The following PNLIPRP1 variants were observed in gnomAD, a reference collection of about 807,000 sequenced individuals.
The protein encoded by PNLIPRP1 is pancreatic lipase related protein 1.
PNLIPRP1 carries 57 observed loss-of-function variants against 54.6 expected under a neutral mutation model. The ratio of observed to expected loss-of-function variants is 1.04; its 90% CI spans 0.84 to 1.30. PNLIPRP1 has a LOEUF of 1.30. Among genes scored for constraint, PNLIPRP1 ranks in the 50% most tolerant of loss-of-function variants. PNLIPRP1 has a pLI of 0.00. For synonymous variants in PNLIPRP1, 232 were observed against 208.8 expected (o/e 1.11, Z -0.96); for missense variants, 567 against 568.5 (o/e 1.00, Z 0.03).
intron 11 of PNLIPRP1, among the ~76,000 whole-genome samples, chr10:116,604,863 AT>A (rs1847911468): frequency 6.6e-6 from 1 of 151,478 alleles, no homozygotes; most frequent in South Asian, 2.1e-4. Flanking sequence ...TGATTTTTGT[AT>A]TTTTAGTAGA....
rs1554863341 is a variant in PNLIPRP1 at position 116,592,418 on chromosome 10, T to C, written c.207T>C (p.Ile69=). Residue 69 remains isoleucine (I), a splice_region_variant and synonymous_variant, in exon 4 of 13, where the codon ATT becomes ATC. Coordinates refer to ENST00000358834, the MANE Select transcript of PNLIPRP1 (RefSeq NM_006229.4). ...YTNENPNNFQ[I]LLLSDPSTIE... The stretch of plus-strand genomic sequence containing the variant: ...AAGCACTTCTGCGTCTGTCACAGAT[T>C]CTCCTCCTCTCTGATCCATCAACAA... 6.2e-7 allele frequency: 1 copy of C among 1,600,322 alleles called. No homozygotes were observed. The highest frequency in any genetic ancestry group is 1.1e-5 in the South Asian group (1 of 89,776).
At chr10:116,603,537 A>G (rs1393974702) in intron 10 of PNLIPRP1, among the ~76,000 whole-genome samples, 2 of 152,152 alleles carry the variant, frequency 1.3e-5, no homozygotes, top group Non-Finnish European at 1.5e-5. Context: ...CTAGAGGGGG[A>G]TACTGCTAAA....
chr10:116,596,869 T>C (rs1370291431), intron 6 of PNLIPRP1, among the ~76,000 whole-genome samples: 1 of 152,144 alleles, frequency 6.6e-6, no homozygotes, highest in South Asian at 2.1e-4. Flanking sequence ...GTGATAATAA[T>C]AATAATAATG....
chr10:116,598,183 G>A lies in PNLIPRP1; in HGVS notation c.814+17G>A. 1 of 1,609,998 alleles carries A rather than the reference G, an allele frequency of 6.2e-7. No individual in the cohort carries two copies. The highest frequency in any genetic ancestry group is 8.5e-7 in the Non-Finnish European group (1 of 1,178,394). On this transcript the variant is annotated intron_variant, in intron 8 of 12. Transcript: ENST00000358834. Reference sequence around the variant, plus strand: ...TCTGGGCGGGTAAAGTCATGGTGGGGTGAGGGGAGCAGGGCGGGTACTTTC... The same window carrying A: ...TCTGGGCGGGTAAAGTCATGGTGGGATGAGGGGAGCAGGGCGGGTACTTTC...
chr10:116,600,030 C>T lies in PNLIPRP1; in HGVS notation c.815-17C>T, dbSNP rs1847805412. On this transcript the variant is annotated splice_polypyrimidine_tract_variant and intron_variant, in intron 8 of 12. Transcript: ENST00000358834. The stretch of plus-strand genomic sequence containing the variant: ...GCCCCCAACCACCTGTTCAGGTCTC[C>T]TTATTTGTTTTCCCAGGAACCCGGG... 1 of 1,570,658 alleles carries T rather than the reference C, an allele frequency of 6.4e-7. No homozygotes were observed. Among genetic ancestry groups the T allele is most frequent in the African/African-American group, 1.3e-5 (1 of 74,126 alleles).
chr10:116,604,681 CTTTTTTTTTTT>C (rs1234478269), intron 11 of PNLIPRP1, among the ~76,000 whole-genome samples: 7 of 94,128 alleles, frequency 7.4e-5, no homozygotes, highest in African/African-American at 2.4e-4. Flanking sequence ...CTTTCTCTCT[CTTTTTTTTTTT>C]TTTTTTTTTT....
At chr10:116,608,813 G>A (rs1297929959) in intron 12 of PNLIPRP1, among the ~76,000 whole-genome samples, 1 of 152,202 alleles carries the variant, frequency 6.6e-6, no homozygotes, top group African/African-American at 2.4e-5. Flanking sequence ...ACCGTCCTGT[G>A]TGACACTCCA....
chr10:116,597,242 C>T (rs1388397557), intron 6 of PNLIPRP1, among the ~76,000 whole-genome samples: 2 of 152,212 alleles, frequency 1.3e-5, no homozygotes, highest in Non-Finnish European at 2.9e-5. Flanking sequence ...CTTACTTATA[C>T]ACCCATGACT....
intron 12 of PNLIPRP1, among the ~76,000 whole-genome samples, chr10:116,608,843 C>T (rs782501514): frequency 2.0e-4 from 31 of 152,228 alleles, no homozygotes; most frequent in Non-Finnish European, 4.0e-4. Context: ...CAGACCTTGT[C>T]CTAGAGCCTC....
In PNLIPRP1 at chr10:116,605,430, C is replaced by T; in HGVS notation, c.1217C>T (p.Ala406Val). 6.2e-7 allele frequency: 1 copy of T among 1,610,230 alleles called. No individual in the cohort carries two copies. Among genetic ancestry groups the T allele is most frequent in the Non-Finnish European group, 8.5e-7 (1 of 1,177,030 alleles). The change falls in exon 12 of 13, where the codon GCA becomes GTA. Residue 406 changes from alanine (A) to valine (V), a missense_variant. By Grantham distance (64) the Ala-to-Val change is moderately conservative. Transcript: ENST00000358834. ...TCAACCCATTCCTATGAGTTTGATGCAAAGCTGGATGTTGGAACAATTGAG... is the reference window on the plus strand; with the variant it reads ...TCAACCCATTCCTATGAGTTTGATGTAAAGCTGGATGTTGGAACAATTGAG... Reference protein sequence around the residue: ...PGSTHSYEFDAKLDVGTIEKV... With the variant: ...PGSTHSYEFDVKLDVGTIEKV...
chr10:116,595,026 G>T (rs909238555), intron 5 of PNLIPRP1, 162 bp downstream of exon 5: 24 of 790,046 alleles, frequency 3.0e-5, no homozygotes, highest in Non-Finnish European at 4.4e-5. Flanking sequence ...ACACGCCAGT[G>T]GAAGCAAAAA....
chr10:116,595,996 C>T (rs575650574), intron 5 of PNLIPRP1: 8 of 506,230 alleles, frequency 1.6e-5, no homozygotes, highest in South Asian at 7.3e-5. Context: ...ATGATGTATT[C>T]GAGGGTCTGA....
chr10:116,603,708 C>T (rs1847887990), intron 10 of PNLIPRP1, among the ~76,000 whole-genome samples: 1 of 152,140 alleles, frequency 6.6e-6, no homozygotes, highest in African/African-American at 2.4e-5. Flanking sequence ...GCTTGACCAA[C>T]ATGGCGAAAC....
intron 8 of PNLIPRP1, among the ~76,000 whole-genome samples, chr10:116,599,124 G>A (rs921450077): frequency 6.6e-6 from 1 of 151,928 alleles, no homozygotes; most frequent in Non-Finnish European, 1.5e-5. Context: ...TCGTGGTGGT[G>A]CGTGGCTGCA....
rs1847770412 is a variant in PNLIPRP1, at chr10:116,598,148, C to A, written c.796C>A (p.Leu266Ile). 1.2e-6 allele frequency: 2 copies of A among 1,613,718 alleles called. No individual in the cohort carries two copies. Among genetic ancestry groups the A allele is most frequent in the Non-Finnish European group, 1.7e-6 (2 of 1,179,906 alleles). The change falls in exon 8 of 13, where the codon CTA becomes ATA. Residue 266 changes from leucine (L) to isoleucine (I), a missense_variant. Physicochemically the swap from Leu to Ile is conservative, Grantham distance 5. Transcript: ENST00000358834. ...KKNALSQIVDLDGIWAGTRDF... is the reference protein window; with the variant it reads ...KKNALSQIVDIDGIWAGTRDF... ...GAATGCCCTGTCTCAGATCGTGGATCTAGATGGCATCTGGGCGGGTAAAGT... is the reference window on the plus strand; with the variant it reads ...GAATGCCCTGTCTCAGATCGTGGATATAGATGGCATCTGGGCGGGTAAAGT...
Position 116,594,368 on chromosome 10 carries a change from A to G in PNLIPRP1, c.331-362A>G, listed in dbSNP as rs368671350. The G allele has an allele frequency of 1.3e-4, 67 of 520,146 alleles. 1 individual carries two copies. Among genetic ancestry groups the G allele is most frequent in the African/African-American group, 1.3e-3 (66 of 52,346 alleles). 32.2% of individuals were successfully genotyped at this position (520,146 alleles called of 1,614,324 possible). Reference sequence around the variant, plus strand: ...AAGGACCCCTTACAGTCAAATCCACAAGGTCATTTAGACACTGGCCACCGG... The same window carrying G: ...AAGGACCCCTTACAGTCAAATCCACGAGGTCATTTAGACACTGGCCACCGG... On this transcript the variant is annotated intron_variant, in intron 4 of 12. Coordinates refer to ENST00000358834, the MANE Select transcript of PNLIPRP1 (RefSeq NM_006229.4).
At chr10:116,591,066 G>C in intron 1 of PNLIPRP1, 64 bp from the exon 2 acceptor site, 5 of 1,300,452 alleles carry the variant, frequency 3.8e-6, no homozygotes, top group Non-Finnish European at 5.6e-6. Context: ...TGAAGTCCAG[G>C]GCGTCGGTGC....
intron 12 of PNLIPRP1, among the ~76,000 whole-genome samples, chr10:116,607,393 CA>C (rs1477223300): frequency 6.6e-6 from 1 of 152,062 alleles, no homozygotes; most frequent in African/African-American, 2.4e-5. Context: ...CAGGGAAGGT[CA>C]AAAGACCAAA....
chr10:116,601,447 A>G (rs1388549463), intron 10 of PNLIPRP1, among the ~76,000 whole-genome samples: 1 of 152,240 alleles, frequency 6.6e-6, no homozygotes. Context: ...GGATGAGGCC[A>G]GTTTGCACAT....
Sources: gnomAD v4.1 joint callset for allele counts (sites outside exome capture counted in the v4.1 genomes callset) on GRCh38, gnomAD v4.1.1 for gene constraint, MANE v1.5 for transcripts, NCBI Gene and HGNC (gene_info 2026-07-23, HGNC 2026-07-21) for gene names.